The following CPLANE1 variants were observed in gnomAD, a reference collection of about 807,000 sequenced individuals.
The protein encoded by CPLANE1 is ciliogenesis and planar polarity effector complex subunit 1, also known as ciliogenesis and planar polarity effector 1.
In CPLANE1, 263 loss-of-function variants were observed where a neutral mutation model predicts 362.5. The observed-to-expected ratio is 0.73, with a 90% CI of 0.66 to 0.80. The LOEUF is 0.80. Ranked by LOEUF, CPLANE1 falls within the 30% of genes least tolerant of loss-of-function variation. The probability of loss-of-function intolerance (pLI) is 0.00; values close to 1 mark genes in which losing one functional copy is unlikely to be tolerated. For synonymous variants in CPLANE1, 1,212 were observed against 1,302.6 expected (o/e 0.93, Z 1.50); for missense variants, 3,461 against 3,793.4 (o/e 0.91, Z 2.30).
In CPLANE1 at chr5:37,147,971, C is replaced by CAAAAAAAAAAAAAAAAA. The variant is rs11284644; in HGVS notation, c.8461+193_8461+209dup. On this transcript the variant is annotated intron_variant, in intron 43 of 52. Coordinates refer to ENST00000651892, the MANE Select transcript of CPLANE1 (RefSeq NM_001384732.1). ...AATCCAGAGGAGGTTACTGCCTTCT[C>CAAAAAAAAAAAAAAAAA]AAAAAAAAAAAAAAAAAAAAAAAAA... Among the ~76,000 whole-genome samples the CAAAAAAAAAAAAAAAAA allele has an allele frequency of 2.0e-3, 30 of 15,310 alleles. 3 individuals carry two copies. The highest frequency in any genetic ancestry group is 5.8e-3 in the South Asian group (1 of 172). 10.0% of individuals were successfully genotyped at this position (15,310 alleles called of 152,430 possible). A position where few individuals can be genotyped will look rare whatever the true frequency, so the allele number is the denominator to read the frequency against.
chr5:37,210,104 T>C (rs761066077), intron 16 of CPLANE1: 1 of 847,518 alleles, frequency 1.2e-6, no homozygotes, highest in Non-Finnish European at 2.0e-6. Flanking sequence ...TGTTCCAGAA[T>C]GATTTTGAGA....
chr5:37,135,007 G>A (rs907606186), intron 46 of CPLANE1, among the ~76,000 whole-genome samples: 7 of 151,702 alleles, frequency 4.6e-5, no homozygotes, highest in African/African-American at 2.4e-5. Context: ...TGGTCAGGCT[G>A]GTCTCCAACT....
chr5:37,137,494 T>G (rs114819276), intron 46 of CPLANE1, among the ~76,000 whole-genome samples: 3,246 of 152,278 alleles, frequency 0.021, 128 homozygotes, highest in African/African-American at 0.075. Context: ...ATTTTTACAG[T>G]AGCACCCCAC....
chr5:37,227,187 T>A, intron 11 of CPLANE1, 56 bp downstream of exon 11: 1 of 1,526,914 alleles, frequency 6.5e-7, no homozygotes, highest in East Asian at 2.5e-5. Context: ...ACAGAATATG[T>A]TTCTTGGAAT....
At chr5:37,117,357 G>A (rs948308752) in intron 50 of CPLANE1, among the ~76,000 whole-genome samples, 2 of 151,022 alleles carry the variant, frequency 1.3e-5, no homozygotes, top group Non-Finnish European at 1.5e-5. Flanking sequence ...CTGTTGTAGT[G>A]CTTCAAGAGG....
rs191645889 is a variant in CPLANE1 at position 37,235,812 on chromosome 5, C to T, written c.938+3045G>A. Among the ~76,000 whole-genome samples the T allele has an allele frequency of 4.7e-3, 711 of 151,574 alleles. 8 individuals carry two copies. Among genetic ancestry groups the T allele is most frequent in the African/African-American group, 0.016 (673 of 41,340 alleles). On this transcript the variant is annotated intron_variant, in intron 8 of 52. Transcript: ENST00000651892. The stretch of plus-strand genomic sequence containing the variant: ...GTCTCGAACTCCTGACCTCGTGATC[C>T]GCCCACCTTGGCCTCCCAAAGTGCT...
chr5:37,242,151 C>G (rs923226577), intron 6 of CPLANE1, among the ~76,000 whole-genome samples: 2 of 151,584 alleles, frequency 1.3e-5, no homozygotes, highest in African/African-American at 4.8e-5. Context: ...GTCAGTAGTT[C>G]AAGACCACCT....
At chr5:37,191,607 G>C (rs1329929137) in intron 21 of CPLANE1, among the ~76,000 whole-genome samples, 1 of 152,150 alleles carries the variant, frequency 6.6e-6, no homozygotes, top group African/African-American at 2.4e-5. Context: ...GGAGGCAGAG[G>C]CTGCAGTGAG....
chr5:37,225,869 A>AG (rs1281261323), intron 12 of CPLANE1, among the ~76,000 whole-genome samples: 1 of 151,508 alleles, frequency 6.6e-6, no homozygotes, highest in East Asian at 1.9e-4. Context: ...AAAAAAAAAA[A>AG]AAAAAAGAGG....
chr5:37,084,870 C>G, the CPLANE1 span, among the ~76,000 whole-genome samples: 1,020 of 151,934 alleles, frequency 6.7e-3, 9 homozygotes, highest in African/African-American at 0.023. Flanking sequence ...AGAGACTCAC[C>G]TAACACATAA....
In CPLANE1 at chr5:37,187,855, C is replaced by T. The variant is rs747959311; in HGVS notation, c.3812-13G>A. The T allele has an allele frequency of 9.4e-6, 15 of 1,591,278 alleles. 1 individual carries two copies. The South Asian group carries it at 1.7e-4, about 18-fold the overall frequency. On this transcript the variant is annotated splice_polypyrimidine_tract_variant and intron_variant, in intron 21 of 52. Coordinates refer to ENST00000651892, the MANE Select transcript of CPLANE1 (RefSeq NM_001384732.1). ...TCTCTGAAGCAACCTAAAGCAGGAA[C>T]ACAAATATGAAAGAAAATCACATGA...
chr5:37,224,657 C>A lies in CPLANE1; in HGVS notation c.2375G>T (p.Ser792Ile). ...QLNRRVPEADSQLTEKMTHEA... is the reference protein window; with the variant it reads ...QLNRRVPEADIQLTEKMTHEA... ...ATGTGTCATCTTTTCAGTTAACTGA[C>A]TATCAGCTTCAGGAACTCTTCGATT... is the stretch of plus-strand genomic sequence containing the variant. Residue 792 changes from serine to isoleucine, a missense_variant, in exon 13 of 53, where the codon AGT becomes ATT. Ser to Ile is a moderately radical substitution (Grantham distance 142). Coordinates refer to ENST00000651892, the MANE Select transcript of CPLANE1 (RefSeq NM_001384732.1). 1 of 1,551,464 alleles carries A rather than the reference C, an allele frequency of 6.4e-7. No homozygotes were observed. The highest frequency in any genetic ancestry group is 1.2e-5 in the South Asian group (1 of 84,052).
At chr5:37,183,805 T>C in intron 25 of CPLANE1, 106 bp from the exon 26 acceptor site, 1 of 759,524 alleles carries the variant, frequency 1.3e-6, no homozygotes, top group South Asian at 2.0e-5. Context: ...GTCATGTATA[T>C]TTTGTGTGCC....
the CPLANE1 span, among the ~76,000 whole-genome samples, chr5:37,082,690 G>A: frequency 1.1e-4 from 16 of 146,860 alleles, no homozygotes; most frequent in African/African-American, 4.1e-4. Context: ...TTACCTATAA[G>A]AAACTTATTT....
Position 37,224,527 on chromosome 5 carries a change from C to A in CPLANE1, c.2500+5G>T. On this transcript the variant is annotated splice_donor_5th_base_variant and intron_variant, in intron 13 of 52. Coordinates refer to ENST00000651892, the MANE Select transcript of CPLANE1 (RefSeq NM_001384732.1). ...GGAGTTAGAAAATATTCATAAGATACTGACCATTGATAGATTTAAGTTCTA... is the reference window on the plus strand; with the variant it reads ...GGAGTTAGAAAATATTCATAAGATAATGACCATTGATAGATTTAAGTTCTA... 4 of 1,530,020 alleles carry A rather than the reference C, an allele frequency of 2.6e-6. No individual in the cohort carries two copies. Among genetic ancestry groups the A allele is most frequent in the Non-Finnish European group, 3.5e-6 (4 of 1,127,834 alleles). 94.8% of individuals were successfully genotyped at this position (1,530,020 alleles called of 1,614,324 possible). A position where few individuals can be genotyped will look rare whatever the true frequency, so the allele number is the denominator to read the frequency against.
intron 16 of CPLANE1, chr5:37,211,248 G>A (rs1300952657): frequency 1.5e-5 from 22 of 1,499,722 alleles, no homozygotes; most frequent in Middle Eastern, 1.7e-4. Flanking sequence ...TGAGTTTGTC[G>A]CCAATACTAA....
intron 16 of CPLANE1, among the ~76,000 whole-genome samples, chr5:37,213,195 C>T (rs941646675): frequency 2.6e-5 from 4 of 151,852 alleles, no homozygotes; most frequent in African/African-American, 4.8e-5. Context: ...GCAACAAGAG[C>T]GAAACTCAGT....
chr5:37,139,891 AAT>A (rs1266481842), intron 44 of CPLANE1: 7 of 985,494 alleles, frequency 7.1e-6, no homozygotes, highest in Admixed American at 6.1e-5. Flanking sequence ...TACTCAGTGT[AAT>A]ATGTCAGAAG....
chr5:37,177,634 T>C lies in CPLANE1; in HGVS notation c.5887A>G (p.Thr1963Ala). 1 of 1,613,540 alleles carries C rather than the reference T, an allele frequency of 6.2e-7. No homozygotes were observed. Among genetic ancestry groups the C allele is most frequent in the Non-Finnish European group, 8.5e-7 (1 of 1,179,524 alleles). Reference protein sequence around the residue: ...PLETIMEEKSTEQKGMIEAFS... With the variant: ...PLETIMEEKSAEQKGMIEAFS... ...TTTCCCCCTTACCCTTTTTGTTCAG[T>C]CGATTTTTCCTCCATAATTGTCTCC... Residue 1963 changes from threonine to alanine, a missense_variant, in exon 30 of 53, where the codon ACT becomes GCT. Around this residue, in one of 2 missense-constraint regions of CPLANE1, gnomAD observed 3,380 missense variants for 3,666.1 expected, o/e 0.92. Transcript: ENST00000651892.
Sources: allele counts gnomAD v4.1 joint callset (sites outside exome capture counted in the v4.1 genomes callset), GRCh38; gene constraint gnomAD v4.1.1; regional missense constraint gnomAD v4.1.1; transcripts MANE v1.5; gene names NCBI Gene and HGNC (gene_info 2026-07-23, HGNC 2026-07-21).